The following COL13A1 variants were observed in gnomAD, a reference collection of about 807,000 sequenced individuals.
COL13A1 encodes the protein collagen type XIII alpha 1 chain, also known as collagen alpha-1(XIII) chain.
COL13A1 carries 89 observed loss-of-function variants against 130.9 expected under a neutral mutation model. The ratio of observed to expected loss-of-function variants is 0.68; its 90% CI spans 0.57 to 0.81. The LOEUF (loss-of-function observed/expected upper bound fraction) is 0.81. Among genes scored for constraint, COL13A1 ranks in the 30% least tolerant of loss-of-function variants. The pLI is 0.00. For missense variants in COL13A1, 879 were observed against 934.6 expected (o/e 0.94, Z 0.78); for synonymous variants, 402 against 341.6 (o/e 1.18, Z -1.95).
chr10:69,930,479 A>G lies in COL13A1; in HGVS notation c.1610A>G (p.Lys537Arg), dbSNP rs1015279176. ...GGAAAGGATGGACCTCCAGGAGTGA[A>G]GGGAGAAAACGGGCACCCAGGGAGC... ...PPGKDGPPGVKGENGHPGSPG... is the reference protein window; with the variant it reads ...PPGKDGPPGVRGENGHPGSPG... The change falls in exon 30 of 41, where the codon AAG becomes AGG. Residue 537 changes from lysine (K) to arginine (R), a missense_variant. Coordinates refer to ENST00000645393, the MANE Select transcript of COL13A1 (RefSeq NM_001368882.1). 1.1e-5 allele frequency: 17 copies of G among 1,613,738 alleles called. No individual in the cohort carries two copies. The highest frequency in any genetic ancestry group is 3.3e-5 in the Admixed American group (2 of 59,988).
chr10:69,850,661 T>C (rs1047521110), intron 2 of COL13A1, among the ~76,000 whole-genome samples: 14 of 151,874 alleles, frequency 9.2e-5, no homozygotes, highest in Admixed American at 6.6e-4. Flanking sequence ...CTGAGGCAGA[T>C]CAGGTTCCCT....
At chr10:69,911,917 C>G (rs2063421376) in intron 17 of COL13A1, among the ~76,000 whole-genome samples, 1 of 152,232 alleles carries the variant, frequency 6.6e-6, no homozygotes, top group African/African-American at 2.4e-5. Flanking sequence ...TCCTGCACCC[C>G]TCCGGCTCCT....
At chr10:69,914,071 C>T (rs1264487262) in intron 17 of COL13A1, among the ~76,000 whole-genome samples, 1 of 152,166 alleles carries the variant, frequency 6.6e-6, no homozygotes, top group African/African-American at 2.4e-5. Flanking sequence ...GGGCTGAGGA[C>T]AACCCCAATT....
chr10:69,893,458 G>A (rs2061373767), intron 10 of COL13A1, among the ~76,000 whole-genome samples: 1 of 152,258 alleles, frequency 6.6e-6, no homozygotes, highest in Admixed American at 6.5e-5. Flanking sequence ...GCTCTTGGGA[G>A]TTTCCCAGTT....
rs577036962 is a variant in COL13A1 at position 69,803,423 on chromosome 10, G to A, written c.294+706G>A. On this transcript the variant is annotated intron_variant, in intron 1 of 40. Coordinates refer to ENST00000645393, the MANE Select transcript of COL13A1 (RefSeq NM_001368882.1). Reference sequence around the variant, plus strand: ...GTGTCAGGTAGCTATGGCAATCTTCGGAATACAGGAAAAGGCTGTCCCCTC... The same window carrying A: ...GTGTCAGGTAGCTATGGCAATCTTCAGAATACAGGAAAAGGCTGTCCCCTC... Among the ~76,000 whole-genome samples the A allele has an allele frequency of 2.1e-4, 32 of 152,292 alleles. 1 individual carries two copies. In the South Asian group the frequency reaches 5.4e-3, roughly 26 times the overall value.
intron 33 of COL13A1, 141 bp from the exon 34 acceptor site, chr10:69,937,494 G>C (rs935581734): frequency 1.7e-6 from 1 of 600,576 alleles, no homozygotes; most frequent in East Asian, 2.8e-5. Flanking sequence ...AGAATTCAGG[G>C]ATTCTTGGTA....
At chr10:69,893,064 T>G (rs1395227681) in intron 10 of COL13A1, among the ~76,000 whole-genome samples, 1 of 152,224 alleles carries the variant, frequency 6.6e-6, no homozygotes, top group Non-Finnish European at 1.5e-5. Flanking sequence ...CTAAGCACTC[T>G]GCCAGGCCGA....
intron 40 of COL13A1, among the ~76,000 whole-genome samples, chr10:69,958,101 C>G (rs60913453): frequency 0.062 from 9,379 of 152,048 alleles, 714 homozygotes; most frequent in African/African-American, 0.18. Flanking sequence ...CACCCCCTAA[C>G]CCAAGAAGGA....
chr10:69,938,698 C>T (rs921133591), intron 34 of COL13A1, among the ~76,000 whole-genome samples: 4 of 152,180 alleles, frequency 2.6e-5, no homozygotes, highest in Non-Finnish European at 5.9e-5. Context: ...GCTTGAAGGC[C>T]TGGTTAATAC....
intron 30 of COL13A1, among the ~76,000 whole-genome samples, chr10:69,931,829 G>A (rs12241163): frequency 0.065 from 9,901 of 152,252 alleles, 392 homozygotes; most frequent in African/African-American, 0.11. Flanking sequence ...ACACTTATTG[G>A]CACATAGTTT....
intron 2 of COL13A1, among the ~76,000 whole-genome samples, chr10:69,854,531 C>T (rs1311948517): frequency 2.0e-5 from 3 of 150,838 alleles, no homozygotes; most frequent in Non-Finnish European, 2.9e-5. Context: ...CAAGATCACA[C>T]GACTGCCCTC....
chr10:69,811,839 G>C (rs2763352), intron 1 of COL13A1, among the ~76,000 whole-genome samples: 1 of 151,766 alleles, frequency 6.6e-6, no homozygotes, highest in Non-Finnish European at 1.5e-5. Flanking sequence ...CAAACTCTAC[G>C]TGTCTAAACT....
intron 2 of COL13A1, among the ~76,000 whole-genome samples, chr10:69,830,416 T>A (rs1848540332): frequency 6.6e-6 from 1 of 152,146 alleles, no homozygotes; most frequent in Non-Finnish European, 1.5e-5. Context: ...GTAAACAGGA[T>A]AAACGAGACC....
Position 69,926,979 on chromosome 10 carries a change from C to T in COL13A1, c.1399-108C>T, listed in dbSNP as rs533218493. The T allele has an allele frequency of 1.7e-4, 252 of 1,498,900 alleles. No individual in the cohort carries two copies. In the African/African-American group the frequency reaches 3.0e-3, roughly 18 times the overall value. The allele number at this position is 1,498,900 out of a possible 1,614,324, so 92.9% of individuals were successfully genotyped here. A position where few individuals can be genotyped will look rare whatever the true frequency, so the allele number is the denominator to read the frequency against. ...ACCTGCAAGCGTCTCCCTCCACCCA[C>T]GCTCCTTTGAGGGGCCTAGCTCCCA... On this transcript the variant is annotated intron_variant, in intron 26 of 40. Transcript: ENST00000645393.
chr10:69,918,179 G>A (rs769595689), intron 18 of COL13A1, 106 bp from the exon 19 acceptor site: 372 of 998,808 alleles, frequency 3.7e-4, no homozygotes, highest in Non-Finnish European at 4.7e-4. Flanking sequence ...GGAGTGAGCG[G>A]TCCTCCTTCT....
At chr10:69,935,537 C>T (rs902827383) in intron 32 of COL13A1, 146 bp downstream of exon 32, 2 of 618,948 alleles carry the variant, frequency 3.2e-6, no homozygotes, top group Non-Finnish European at 5.5e-6. Flanking sequence ...CGCTCCTTTT[C>T]CCTCCCATGT....
chr10:69,888,327 A>G lies in COL13A1; in HGVS notation c.573A>G (p.Lys191=). 6.2e-7 allele frequency: 1 copy of G among 1,612,748 alleles called. No individual in the cohort carries two copies. Among genetic ancestry groups the G allele is most frequent in the Non-Finnish European group, 8.5e-7 (1 of 1,179,476 alleles). The change falls in exon 9 of 41, where the codon AAA becomes AAG. Residue 191 remains lysine (K), a synonymous_variant. Transcript: ENST00000645393. ...AGGGTCCCATTGGGCTGGACGGCAA[A>G]CCGGTAAGTGGACCCGCTCTCTCCC... is the stretch of plus-strand genomic sequence containing the variant. ...GFPGPIGLDG[K]PGHPGPKGDM...
chr10:69,841,426 C>T (rs1354067759), intron 2 of COL13A1, among the ~76,000 whole-genome samples: 1 of 152,204 alleles, frequency 6.6e-6, no homozygotes, highest in Non-Finnish European at 1.5e-5. Flanking sequence ...TTCCCAGCAC[C>T]TGGCACGGAA....
chr10:69,902,755 A>C lies in COL13A1; in HGVS notation c.758A>C (p.Gln253Pro). The change falls in exon 15 of 41, where the codon CAG becomes CCG. Residue 253 changes from glutamine (Q) to proline (P), a missense_variant. Around this residue, in one of 3 missense-constraint regions of COL13A1, gnomAD observed 715 missense variants for 721.0 expected, o/e 0.99. Coordinates refer to ENST00000645393, the MANE Select transcript of COL13A1 (RefSeq NM_001368882.1). ...VIKRRTFQGE[Q>P]SQASIQGPPG... ...CGTTTCCATGAACCTCAGGGCGAACAGAGCCAGGCCAGCATCCAAGGTCCA... is the reference window on the plus strand; with the variant it reads ...CGTTTCCATGAACCTCAGGGCGAACCGAGCCAGGCCAGCATCCAAGGTCCA... 1 of 1,550,934 alleles carries C rather than the reference A, an allele frequency of 6.4e-7. No homozygotes were observed. The highest frequency in any genetic ancestry group is 8.7e-7 in the Non-Finnish European group (1 of 1,147,614).
Sources: gnomAD v4.1 joint callset for allele counts (sites outside exome capture counted in the v4.1 genomes callset) on GRCh38, gnomAD v4.1.1 for gene constraint, gnomAD v4.1.1 regional missense constraint, MANE v1.5 for transcripts, NCBI Gene and HGNC (gene_info 2026-07-23, HGNC 2026-07-21) for gene names.